The following GPC5 variants were observed in gnomAD, a reference collection of about 807,000 sequenced individuals.
The protein encoded by GPC5 is glypican 5.
Under a neutral mutation model 53.9 loss-of-function variants are expected in GPC5, and 47 were observed. The ratio of observed to expected loss-of-function variants is 0.87; its 90% CI spans 0.69 to 1.11. GPC5 has a LOEUF of 1.11. Among genes scored for constraint, GPC5 ranks in the 50% most tolerant of loss-of-function variants. The pLI is 0.00. For synonymous variants in GPC5, 286 were observed against 263.3 expected (o/e 1.09, Z -0.84); for missense variants, 748 against 713.1 (o/e 1.05, Z -0.56).
At chr13:91,988,572 C>T (rs990754869) in intron 6 of GPC5, among the ~76,000 whole-genome samples, 1 of 152,162 alleles carries the variant, frequency 6.6e-6, no homozygotes, top group Non-Finnish European at 1.5e-5. Context: ...CTGTTGGTAG[C>T]AGAGCAGCCA....
intron 7 of GPC5, among the ~76,000 whole-genome samples, chr13:92,794,679 A>G (rs143708251): frequency 8.1e-4 from 123 of 152,326 alleles, no homozygotes; most frequent in Middle Eastern, 3.4e-3. Context: ...AAGCAACTTC[A>G]GTAAAGTCTC....
rs535486834 is a variant in GPC5 at position 91,432,563 on chromosome 13, T to C, written c.164-16198T>C. 2.0e-5 allele frequency among the ~76,000 whole-genome samples: 3 copies of C among 152,304 alleles called. No homozygotes were observed. The South Asian group carries it at 6.2e-4, about 32-fold the overall frequency. On this transcript the variant is annotated intron_variant, in intron 1 of 7. Transcript: ENST00000377067. ...AGCTCTTCTATCTGTGAATATTATGTTGACCTTATTTGTCTGAATTTGTCG... is the reference window on the plus strand; with the variant it reads ...AGCTCTTCTATCTGTGAATATTATGCTGACCTTATTTGTCTGAATTTGTCG...
At chr13:92,261,281 CTATT>C (rs1398871150) in intron 7 of GPC5, among the ~76,000 whole-genome samples, 1 of 152,102 alleles carries the variant, frequency 6.6e-6, no homozygotes, top group African/African-American at 2.4e-5. Context: ...AAGTGACAAA[CTATT>C]TAGAATCATA....
intron 1 of GPC5, among the ~76,000 whole-genome samples, chr13:91,435,535 C>T (rs1208776668): frequency 6.6e-6 from 1 of 152,148 alleles, no homozygotes; most frequent in African/African-American, 2.4e-5. Flanking sequence ...AGGGATGAAG[C>T]CCACTTGATC....
At chr13:91,637,810 G>A (rs1382958346) in intron 2 of GPC5, among the ~76,000 whole-genome samples, 1 of 152,152 alleles carries the variant, frequency 6.6e-6, no homozygotes, top group Non-Finnish European at 1.5e-5. Flanking sequence ...TGCCTAAATT[G>A]GATTTTGTTT....
At chr13:91,950,145 A>C (rs921389314) in intron 6 of GPC5, among the ~76,000 whole-genome samples, 1 of 152,128 alleles carries the variant, frequency 6.6e-6, no homozygotes, top group Non-Finnish European at 1.5e-5. Flanking sequence ...CAGGGTCAGC[A>C]GATTCTGTAA....
At chr13:92,279,903 G>A (rs569043615) in intron 7 of GPC5, among the ~76,000 whole-genome samples, 4 of 152,084 alleles carry the variant, frequency 2.6e-5, no homozygotes, top group South Asian at 4.1e-4. Context: ...GATATCGGTC[G>A]AATTCTGGCT....
intron 7 of GPC5, among the ~76,000 whole-genome samples, chr13:92,699,522 G>C (rs1056721675): frequency 6.6e-6 from 1 of 151,900 alleles, no homozygotes; most frequent in Non-Finnish European, 1.5e-5. Context: ...GTGATGTTAG[G>C]GTGGCGATTT....
intron 2 of GPC5, among the ~76,000 whole-genome samples, chr13:91,569,430 GAT>G (rs2031683369): frequency 6.6e-6 from 1 of 152,028 alleles, no homozygotes; most frequent in Non-Finnish European, 1.5e-5. Flanking sequence ...TAAAAATACA[GAT>G]ATACTCTACA....
intron 7 of GPC5, among the ~76,000 whole-genome samples, chr13:92,520,504 T>C (rs558810706): frequency 6.6e-6 from 1 of 152,100 alleles, no homozygotes; most frequent in Non-Finnish European, 1.5e-5. Flanking sequence ...TAATCCAGCA[T>C]ATAAACAGAA....
At chr13:91,545,136 G>A (rs1007039572) in intron 2 of GPC5, among the ~76,000 whole-genome samples, 11 of 152,190 alleles carry the variant, frequency 7.2e-5, no homozygotes. Context: ...TTTATTAGAA[G>A]TGAGTCACTA....
chr13:91,484,988 A>G (rs1014485978), intron 2 of GPC5, among the ~76,000 whole-genome samples: 2 of 152,246 alleles, frequency 1.3e-5, no homozygotes, highest in Non-Finnish European at 2.9e-5. Flanking sequence ...GACCAGTAAG[A>G]TGTGTATGAT....
intron 2 of GPC5, among the ~76,000 whole-genome samples, chr13:91,573,797 T>G (rs2032033109): frequency 6.6e-6 from 1 of 152,102 alleles, no homozygotes; most frequent in Admixed American, 6.6e-5. Flanking sequence ...TGTGGAGAGA[T>G]AAAATTAAAA....
rs142786958 is a variant in GPC5, at chr13:92,103,935, C to A, written c.1402-40895C>A. On this transcript the variant is annotated intron_variant, in intron 6 of 7. Transcript: ENST00000377067. The stretch of plus-strand genomic sequence containing the variant: ...CAAAGCCCCACATGGACATCTCATT[C>A]CTCAGAATTCCTTTCAAGGTCAACT... 8.0e-4 allele frequency among the ~76,000 whole-genome samples: 122 copies of A among 152,246 alleles called. 1 individual carries two copies. In the East Asian group the frequency reaches 0.016, roughly 20 times the overall value.
At chr13:91,513,352 A>ATT (rs1179521134) in intron 2 of GPC5, among the ~76,000 whole-genome samples, 2 of 134,642 alleles carry the variant, frequency 1.5e-5, no homozygotes, top group African/African-American at 6.4e-5. Context: ...ACTTGTTTTC[A>ATT]TTTGTGTGTG....
chr13:91,984,336 G>A (rs888965483), intron 6 of GPC5, among the ~76,000 whole-genome samples: 1 of 152,122 alleles, frequency 6.6e-6, no homozygotes. Flanking sequence ...GCACACCATG[G>A]AGATGAACAC....
In GPC5 at chr13:91,589,501, C is replaced by G. The variant is rs554791915; in HGVS notation, c.326-103686C>G. ...TAGACCTGACCATCACCCTCTCTCT[C>G]TGGACCATTGCAATGATCTCTAAAT... On this transcript the variant is annotated intron_variant, in intron 2 of 7. Coordinates refer to ENST00000377067, the MANE Select transcript of GPC5 (RefSeq NM_004466.6). 2.6e-5 allele frequency among the ~76,000 whole-genome samples: 4 copies of G among 152,268 alleles called. No homozygotes were observed. In the East Asian group the frequency reaches 7.7e-4, roughly 29 times the overall value.
intron 6 of GPC5, among the ~76,000 whole-genome samples, chr13:92,107,717 T>C (rs2041521014): frequency 6.6e-6 from 1 of 152,206 alleles, no homozygotes; most frequent in Admixed American, 6.5e-5. Context: ...GTACCCCATA[T>C]ATGTGAGCAT....
chr13:92,222,228 C>T (rs912873290), intron 7 of GPC5, among the ~76,000 whole-genome samples: 4 of 152,060 alleles, frequency 2.6e-5, no homozygotes, highest in Non-Finnish European at 4.4e-5. Context: ...AGACTATTGT[C>T]GTCACTGAAC....
Sources: gnomAD v4.1 joint callset for allele counts (sites outside exome capture counted in the v4.1 genomes callset) on GRCh38, gnomAD v4.1.1 for gene constraint, MANE v1.5 for transcripts, NCBI Gene and HGNC (gene_info 2026-07-23, HGNC 2026-07-21) for gene names.